The following ZNF469 variants were observed in gnomAD, a reference collection of about 807,000 sequenced individuals.
The protein encoded by ZNF469 is zinc finger protein 469.
Under a neutral mutation model 1.0 loss-of-function variants are expected in ZNF469, and 1 was observed. That is an observed-to-expected ratio of 1.00 (90% CI 0.35 to 4.73). ZNF469 has a LOEUF of 4.73. ZNF469 is among the 30% of genes most tolerant of loss of function. The pLI is 0.16. For missense variants in ZNF469, 6,100 were observed against 5,356.3 expected (o/e 1.14, Z -4.33); for synonymous variants, 2,703 against 2,363.4 (o/e 1.14, Z -4.17).
the ZNF469 span, among the ~76,000 whole-genome samples, chr16:88,118,556 G>A: frequency 6.6e-6 from 1 of 152,190 alleles, no homozygotes; most frequent in East Asian, 1.9e-4. Context: ...GCAGAAGGAG[G>A]GTGATGGCGC....
chr16:88,236,150 T>G, the ZNF469 span, among the ~76,000 whole-genome samples: 3 of 152,354 alleles, frequency 2.0e-5, no homozygotes, highest in Non-Finnish European at 2.9e-5. Flanking sequence ...TGTCTCCTAT[T>G]GAGACCTTTG....
In ZNF469 at chr16:88,428,022, C is replaced by T; in HGVS notation, c.552C>T (p.Phe184=). 6.5e-7 allele frequency: 1 copy of T among 1,550,004 alleles called. No homozygotes were observed. Among genetic ancestry groups the T allele is most frequent in the Non-Finnish European group, 8.7e-7 (1 of 1,146,862 alleles). The change falls in exon 3 of 3, where the codon TTC becomes TTT. Residue 184 remains phenylalanine, a synonymous_variant. Coordinates refer to ENST00000565624, the MANE Select transcript of ZNF469 (RefSeq NM_001367624.2). ...AAEELGFHRC[F]QEPPSSFTST... is the part of the protein sequence containing the mutation. ...AAGAGCTTGGCTTCCACAGGTGCTT[C>T]CAGGAGCCACCCTCCAGCTTTACCT... is the stretch of plus-strand genomic sequence containing the variant.
the ZNF469 span, among the ~76,000 whole-genome samples, chr16:88,283,029 A>C: frequency 0.32 from 48,259 of 152,110 alleles, 8,008 homozygotes; most frequent in South Asian, 0.39. Flanking sequence ...GCATTAGGTC[A>C]AGAAGTTGGC....
At chr16:88,132,292 C>T in the ZNF469 span, among the ~76,000 whole-genome samples, 9,793 of 152,224 alleles carry the variant, frequency 0.064, 861 homozygotes, top group African/African-American at 0.22. Flanking sequence ...CGGGGACGGA[C>T]GCTCTCTCTG....
At chr16:88,117,175 A>G in the ZNF469 span, among the ~76,000 whole-genome samples, 9,177 of 54,990 alleles carry the variant, frequency 0.17, 480 homozygotes, top group East Asian at 0.39. Context: ...AACTGGGGGC[A>G]TGTGAGGGCC....
chr16:88,433,271 G>A lies in ZNF469; in HGVS notation c.5801G>A (p.Arg1934Gln), dbSNP rs1567513655. The change falls in exon 3 of 3, where the codon CGA becomes CAA. Residue 1934 changes from arginine (R) to glutamine (Q), a missense_variant. Physicochemically the swap from Arg to Gln is conservative, Grantham distance 43. Transcript: ENST00000565624. ...ELTPAAQSPP[R>Q]VNPSGLEGGT... Reference sequence around the variant, plus strand: ...ACACCTGCTGCCCAGAGCCCTCCACGAGTGAACCCCTCAGGTCTGGAAGGG... The same window carrying A: ...ACACCTGCTGCCCAGAGCCCTCCACAAGTGAACCCCTCAGGTCTGGAAGGG... 22 of 1,550,360 alleles carry A rather than the reference G, an allele frequency of 1.4e-5. No homozygotes were observed. The East Asian group carries it at 2.9e-4, about 21-fold the overall frequency.
chr16:88,235,424 A>G, the ZNF469 span, among the ~76,000 whole-genome samples: 1 of 152,120 alleles, frequency 6.6e-6, no homozygotes, highest in Non-Finnish European at 1.5e-5. Flanking sequence ...TGCCGTGGAC[A>G]CCAGCCCTCC....
intron 1 of ZNF469, among the ~76,000 whole-genome samples, chr16:88,397,815 CCT>C (rs2142270904): frequency 6.6e-6 from 1 of 152,280 alleles, no homozygotes; most frequent in South Asian, 2.1e-4. Flanking sequence ...CCCTGGATGG[CCT>C]CTGACTCCCT....
intron 1 of ZNF469, among the ~76,000 whole-genome samples, chr16:88,385,324 T>G (rs2092534610): frequency 6.6e-6 from 1 of 152,026 alleles, no homozygotes; most frequent in Non-Finnish European, 1.5e-5. Context: ...CTACCCTCCC[T>G]TCCGGTTCTG....
chr16:88,193,658 C>A, the ZNF469 span: 2 of 152,212 alleles, frequency 1.3e-5, no homozygotes, highest in Non-Finnish European at 2.9e-5. Context: ...GCAATGATCT[C>A]ACCACTGTGC....
chr16:88,139,010 A>G, the ZNF469 span, among the ~76,000 whole-genome samples: 1 of 152,270 alleles, frequency 6.6e-6, no homozygotes, highest in East Asian at 1.9e-4. Flanking sequence ...ATGTAAACAC[A>G]CAGACATTCT....
At chr16:88,268,061 C>G in the ZNF469 span, among the ~76,000 whole-genome samples, 28 of 152,160 alleles carry the variant, frequency 1.8e-4, no homozygotes, top group African/African-American at 5.8e-4. Flanking sequence ...TGCGCTTTTC[C>G]CCTCTTCATG....
At chr16:88,163,925 T>C in the ZNF469 span, among the ~76,000 whole-genome samples, 1 of 150,076 alleles carries the variant, frequency 6.7e-6, no homozygotes, top group African/African-American at 2.5e-5. Context: ...GATGAGTGGG[T>C]GGATGGATGA....
At chr16:88,277,321 C>T in the ZNF469 span, among the ~76,000 whole-genome samples, 19 of 134,026 alleles carry the variant, frequency 1.4e-4, no homozygotes, top group East Asian at 1.2e-3. Context: ...TATCAGTGCA[C>T]GGTTAGTGCT....
At chr16:88,384,031 CG>C (rs976443341) in intron 1 of ZNF469, among the ~76,000 whole-genome samples, 2 of 152,128 alleles carry the variant, frequency 1.3e-5, no homozygotes, top group Non-Finnish European at 2.9e-5. Context: ...AGGTCCCCGG[CG>C]GGGGCGGGGG....
At chr16:88,376,189 A>G in the ZNF469 span, among the ~76,000 whole-genome samples, 1 of 152,254 alleles carries the variant, frequency 6.6e-6, no homozygotes, top group African/African-American at 2.4e-5. Context: ...GCAACACAAA[A>G]ACACACATCA....
At chr16:88,204,686 T>G in the ZNF469 span, among the ~76,000 whole-genome samples, 36 of 152,214 alleles carry the variant, frequency 2.4e-4, no homozygotes, top group East Asian at 5.6e-3. Context: ...ACAGCCAGGG[T>G]GGGAGGTCAT....
chr16:88,380,377 ACACGCAC>A, upstream of ZNF469, among the ~76,000 whole-genome samples: 1 of 112,354 alleles, frequency 8.9e-6, no homozygotes, highest in South Asian at 3.1e-4. Flanking sequence ...ACATGCACTC[ACACGCAC>A]TCACAGACAC....
chr16:88,148,159 G>T, the ZNF469 span, among the ~76,000 whole-genome samples: 824 of 152,266 alleles, frequency 5.4e-3, 10 homozygotes, highest in African/African-American at 0.017. Context: ...CCTGCAATGG[G>T]GCTTTCCCCC....
Sources: allele counts gnomAD v4.1 joint callset (sites outside exome capture counted in the v4.1 genomes callset), GRCh38; gene constraint gnomAD v4.1.1; transcripts MANE v1.5; gene names NCBI Gene and HGNC (gene_info 2026-07-23, HGNC 2026-07-21).